The following DENND4C variants were observed in gnomAD, a reference collection of about 807,000 sequenced individuals.
DENND4C encodes the protein DENN domain-containing protein 4C.
A neutral mutation model predicts 203.0 loss-of-function variants in DENND4C; 108 were observed. That is an observed-to-expected ratio of 0.53 (90% CI 0.46 to 0.62). DENND4C has a LOEUF of 0.62. Among genes scored for constraint, DENND4C ranks in the 20% least tolerant of loss-of-function variants. The probability of loss-of-function intolerance (pLI) is 0.00; values close to 1 mark genes in which losing one functional copy is unlikely to be tolerated. For missense variants in DENND4C, 2,481 were observed against 2,301.2 expected (o/e 1.08, Z -1.60); for synonymous variants, 871 against 792.4 (o/e 1.10, Z -1.67).
chr9:19,248,363 C>G (rs1825762177), intron 1 of DENND4C, among the ~76,000 whole-genome samples: 1 of 151,960 alleles, frequency 6.6e-6, no homozygotes, highest in Non-Finnish European at 1.5e-5. Flanking sequence ...TCCTTCATGC[C>G]ACTTAGGCCC....
At chr9:19,233,774 G>A (rs1236288108) in intron 1 of DENND4C, among the ~76,000 whole-genome samples, 1 of 151,990 alleles carries the variant, frequency 6.6e-6, no homozygotes, top group Admixed American at 6.5e-5. Flanking sequence ...TGAATTTTTA[G>A]TAGAGAAGGG....
intron 1 of DENND4C, among the ~76,000 whole-genome samples, chr9:19,252,260 G>A (rs895155970): frequency 7.9e-5 from 12 of 152,078 alleles, no homozygotes; most frequent in African/African-American, 2.7e-4. Context: ...ATCAGATCTC[G>A]TGAGACTTAT....
intron 13 of DENND4C, 59 bp downstream of exon 13, chr9:19,324,566 T>C: frequency 6.6e-7 from 1 of 1,514,698 alleles, no homozygotes; most frequent in Non-Finnish European, 9.0e-7. Context: ...CCTGTGTAAT[T>C]ATCATTGTTA....
At chr9:19,331,364 G>T (rs545753144) in intron 16 of DENND4C, among the ~76,000 whole-genome samples, 2 of 151,940 alleles carry the variant, frequency 1.3e-5, no homozygotes, top group African/African-American at 4.8e-5. Flanking sequence ...CACCATGCGC[G>T]GCTAATTTTT....
chr9:19,283,718 C>G (rs557959044), intron 2 of DENND4C, among the ~76,000 whole-genome samples: 2 of 151,366 alleles, frequency 1.3e-5, no homozygotes, highest in African/African-American at 4.8e-5. Context: ...CCCCCACCCC[C>G]GCCAGTAGCT....
At chr9:19,367,649 GA>G (rs1827965539) in intron 30 of DENND4C, among the ~76,000 whole-genome samples, 1 of 152,232 alleles carries the variant, frequency 6.6e-6, no homozygotes, top group South Asian at 2.1e-4. Flanking sequence ...TGAGGCAGGA[GA>G]ATCACTTGAA....
intron 10 of DENND4C, among the ~76,000 whole-genome samples, chr9:19,314,717 A>C (rs1333846318): frequency 1.3e-5 from 2 of 152,204 alleles, no homozygotes; most frequent in Non-Finnish European, 2.9e-5. Context: ...CTGATTAAAA[A>C]ATCATTTCAT....
At chr9:19,361,628 T>C (rs554855507) in intron 29 of DENND4C, among the ~76,000 whole-genome samples, 1 of 152,342 alleles carries the variant, frequency 6.6e-6, no homozygotes, top group Admixed American at 6.5e-5. Context: ...AGTTAGCTAA[T>C]TGTCATCCCA....
chr9:19,368,970 C>A (rs975067659), intron 30 of DENND4C, among the ~76,000 whole-genome samples: 1 of 151,786 alleles, frequency 6.6e-6, no homozygotes, highest in African/African-American at 2.4e-5. Context: ...GGCAACATAG[C>A]AAGACCCTAT....
At chr9:19,349,966 C>A (rs1823714094) in intron 23 of DENND4C, among the ~76,000 whole-genome samples, 2 of 152,116 alleles carry the variant, frequency 1.3e-5, no homozygotes, top group South Asian at 4.1e-4. Context: ...ATATCATAAG[C>A]ATTTTTCATT....
intron 1 of DENND4C, among the ~76,000 whole-genome samples, chr9:19,270,078 C>G (rs976308927): frequency 6.6e-6 from 1 of 152,132 alleles, no homozygotes; most frequent in Non-Finnish European, 1.5e-5. Flanking sequence ...TTACCAGGCA[C>G]AGTCTCTTGT....
At position 19,276,250 on chromosome 9, in the gene DENND4C, G is replaced by C; in HGVS notation, c.76G>C (p.Asp26His). ...TCTCACTGACACATCTACTCTTTTG[G>C]ATCAAGAAATAAATCGTTTAGATAC... The part of the protein sequence containing the change: ...AGLTDTSTLL[D>H]QEINRLDTKS... The change falls in exon 2 of 33, where the codon GAT (aspartate) becomes CAT (histidine). Residue 26 changes from aspartate to histidine, a missense_variant. By Grantham distance (81) the Asp-to-His change is moderately conservative. Coordinates refer to ENST00000434457, the MANE Select transcript of DENND4C (RefSeq NM_001330640.2). 1 of 1,232,004 alleles carries C rather than the reference G, an allele frequency of 8.1e-7. No homozygotes were observed. The highest frequency in any genetic ancestry group is 1.0e-6 in the Non-Finnish European group (1 of 987,908). 76.3% of individuals were successfully genotyped at this position (1,232,004 alleles called of 1,614,324 possible).
intron 1 of DENND4C, among the ~76,000 whole-genome samples, chr9:19,241,844 C>T (rs747481475): frequency 2.0e-5 from 3 of 150,978 alleles, no homozygotes; most frequent in African/African-American, 7.3e-5. Flanking sequence ...ACAGTAAGAC[C>T]TCATCTTAAA....
chr9:19,235,456 A>T (rs543420741), intron 1 of DENND4C, among the ~76,000 whole-genome samples: 30 of 152,346 alleles, frequency 2.0e-4, no homozygotes, highest in African/African-American at 6.7e-4. Context: ...GTTTGTGTAC[A>T]TTAACTTATG....
intron 12 of DENND4C, among the ~76,000 whole-genome samples, chr9:19,323,074 A>G (rs545113907): frequency 2.6e-5 from 4 of 152,102 alleles, no homozygotes; most frequent in Admixed American, 1.3e-4. Context: ...GGAGGCTGAG[A>G]TGGGAGGATC....
At position 19,271,757 on chromosome 9, in the gene DENND4C, C is replaced by G. The variant is rs956253866; in HGVS notation, c.-17-4401C>G. Among the ~76,000 whole-genome samples the G allele has an allele frequency of 1.5e-4, 22 of 150,948 alleles. 2 individuals carry two copies. The highest frequency in any genetic ancestry group is 4.6e-4 in the Admixed American group (7 of 15,120). ...GTGCATGCCTGTAATCCCAGCTACT[C>G]GGGAGGCTGAGGCAGGAGAATCGCT... On this transcript the variant is annotated intron_variant, in intron 1 of 32. Transcript: ENST00000434457.
intron 1 of DENND4C, among the ~76,000 whole-genome samples, chr9:19,248,006 A>G (rs561971307): frequency 5.7e-4 from 87 of 152,156 alleles, no homozygotes; most frequent in African/African-American, 1.7e-3. Flanking sequence ...TTTCTGGGTT[A>G]TTTTAATTGC....
rs1421822882 is a variant in DENND4C at position 19,358,270 on chromosome 9, AGAGT to A, written c.5160+111_5160+114del. 1 of 912,556 alleles carries A rather than the reference AGAGT, an allele frequency of 1.1e-6. No homozygotes were observed. The highest frequency in any genetic ancestry group is 1.5e-6 in the Non-Finnish European group (1 of 649,588). The allele number at this position is 912,556 out of a possible 1,614,324, so 56.5% of individuals were successfully genotyped here. A position where few individuals can be genotyped will look rare whatever the true frequency, so the allele number is the denominator to read the frequency against. ...TTATTTTAATTACATGAAAAGTGAT[AGAGT>A]TTTTCCATAAACAAATAACTTTTTA... On this transcript the variant is annotated intron_variant, in intron 28 of 32. Transcript: ENST00000434457. This position sits in a 1 kb window ranked among gnomAD's most constrained non-coding sequence, Gnocchi z 4.8.
chr9:19,237,657 G>A (rs2131381334), intron 1 of DENND4C, among the ~76,000 whole-genome samples: 1 of 152,178 alleles, frequency 6.6e-6, no homozygotes, highest in East Asian at 1.9e-4. Flanking sequence ...CACCCAGCCA[G>A]GATTTTCTTT....
Sources: allele counts gnomAD v4.1 joint callset (sites outside exome capture counted in the v4.1 genomes callset), GRCh38; gene constraint gnomAD v4.1.1; non-coding constraint Gnocchi (gnomAD v3.1); transcripts MANE v1.5; gene names NCBI Gene and HGNC (gene_info 2026-07-23, HGNC 2026-07-21).